The following ZNF385D variants were observed in gnomAD, a reference collection of about 807,000 sequenced individuals.
ZNF385D encodes the protein zinc finger protein 659.
Under a neutral mutation model 35.8 loss-of-function variants are expected in ZNF385D, and 15 were observed. The ratio of observed to expected loss-of-function variants is 0.42; its 90% CI spans 0.28 to 0.64. The LOEUF is 0.64. Ranked by LOEUF, ZNF385D falls within the 30% of genes least tolerant of loss-of-function variation. The pLI, the probability that ZNF385D is intolerant of heterozygous loss-of-function variation, is 0.23. For synonymous variants in ZNF385D, 212 were observed against 186.8 expected (o/e 1.13, Z -1.10); for missense variants, 474 against 494.6 (o/e 0.96, Z 0.39).
intron 1 of ZNF385D, among the ~76,000 whole-genome samples, chr3:21,671,491 A>G (rs961220444): frequency 6.6e-5 from 10 of 152,104 alleles, no homozygotes; most frequent in Non-Finnish European, 1.0e-4. Flanking sequence ...TAATTCCTTT[A>G]AAACACACAA....
chr3:22,056,671 A>C (rs1194893476), intron 3 of ZNF385D, among the ~76,000 whole-genome samples: 2 of 152,250 alleles, frequency 1.3e-5, no homozygotes, highest in African/African-American at 4.8e-5. Flanking sequence ...TTCAGTGTAC[A>C]TCAGCTATTG....
chr3:22,082,796 C>T (rs1700826392), intron 3 of ZNF385D, among the ~76,000 whole-genome samples: 1 of 152,190 alleles, frequency 6.6e-6, no homozygotes, highest in African/African-American at 2.4e-5. Context: ...AGACACCTCC[C>T]AGTAGGGGCC....
intron 3 of ZNF385D, among the ~76,000 whole-genome samples, chr3:21,790,441 T>C (rs1369646249): frequency 6.6e-6 from 1 of 152,140 alleles, no homozygotes; most frequent in Non-Finnish European, 1.5e-5. Flanking sequence ...TTGGGGTGAT[T>C]GCTGTTTCTT....
intron 2 of ZNF385D, among the ~76,000 whole-genome samples, chr3:22,333,796 C>T (rs1023648669): frequency 1.3e-5 from 2 of 152,192 alleles, no homozygotes; most frequent in African/African-American, 4.8e-5. Context: ...TTGGTGCAGA[C>T]ACCCAGCTTT....
chr3:22,034,963 T>C, intron 3 of ZNF385D, among the ~76,000 whole-genome samples: 1 of 152,268 alleles, frequency 6.6e-6, no homozygotes. Flanking sequence ...TTAAAACATA[T>C]CAATAGGAAA....
intron 1 of ZNF385D, among the ~76,000 whole-genome samples, chr3:21,721,912 C>A (rs529733302): frequency 6.6e-6 from 1 of 152,018 alleles, no homozygotes; most frequent in Non-Finnish European, 1.5e-5. Context: ...CCAGCCTGGC[C>A]AAAATGGCGA....
At chr3:21,768,588 T>C (rs946610998) in intron 3 of ZNF385D, among the ~76,000 whole-genome samples, 3 of 152,004 alleles carry the variant, frequency 2.0e-5, no homozygotes, top group African/African-American at 2.4e-5. Context: ...GACAGGCAGC[T>C]GTGCACCTGC....
intron 1 of ZNF385D, among the ~76,000 whole-genome samples, chr3:21,681,865 A>C (rs1211167028): frequency 6.6e-6 from 1 of 151,334 alleles, no homozygotes; most frequent in African/African-American, 2.4e-5. Context: ...CCATTGGCTC[A>C]GGTATTGAAA....
At chr3:22,117,842 T>C (rs1472685687) in intron 3 of ZNF385D, among the ~76,000 whole-genome samples, 1 of 152,066 alleles carries the variant, frequency 6.6e-6, no homozygotes, top group Non-Finnish European at 1.5e-5. Context: ...AATCTTTTTA[T>C]CTAATATAAT....
At chr3:22,080,481 A>C (rs1453945512) in intron 3 of ZNF385D, among the ~76,000 whole-genome samples, 3 of 152,164 alleles carry the variant, frequency 2.0e-5, no homozygotes, top group African/African-American at 7.2e-5. Flanking sequence ...AACTAAAATC[A>C]TATAAATAAA....
At chr3:22,269,398 A>G (rs1000991197) in intron 2 of ZNF385D, among the ~76,000 whole-genome samples, 1 of 151,958 alleles carries the variant, frequency 6.6e-6, no homozygotes, top group Non-Finnish European at 1.5e-5. Context: ...GTGAGCTGCT[A>G]AAATAGGCAC....
intron 3 of ZNF385D, among the ~76,000 whole-genome samples, chr3:22,143,627 T>G (rs183633374): frequency 7.5e-4 from 114 of 152,296 alleles, no homozygotes; most frequent in Non-Finnish European, 1.5e-3. Flanking sequence ...ATTCCTATAT[T>G]GATGGCCTTT....
chr3:22,169,031 G>T, exon 3 of ZNF385D: 1 of 985,668 alleles, frequency 1.0e-6, no homozygotes, highest in African/African-American at 1.7e-5. Flanking sequence ...GTACACAGGT[G>T]AAATCTGAGG....
intron 1 of ZNF385D, among the ~76,000 whole-genome samples, chr3:21,670,661 C>CT (rs2066544894): frequency 1.9e-5 from 1 of 52,086 alleles, no homozygotes; most frequent in African/African-American, 7.7e-5. Context: ...CCCCCCCCCC[C>CT]CCCCCCCCCC....
intron 2 of ZNF385D, among the ~76,000 whole-genome samples, chr3:22,301,234 A>C (rs1702884939): frequency 6.6e-6 from 1 of 152,000 alleles, no homozygotes; most frequent in South Asian, 2.1e-4. Flanking sequence ...AAGAAGTTGG[A>C]CTCACAGAAA....
intron 1 of ZNF385D, among the ~76,000 whole-genome samples, chr3:21,731,119 T>C (rs1328445562): frequency 6.6e-6 from 1 of 152,210 alleles, no homozygotes; most frequent in Non-Finnish European, 1.5e-5. Context: ...GTGCAGAGTT[T>C]GCAAAAATGT....
chr3:21,847,151 G>A (rs1443142523), intron 3 of ZNF385D, among the ~76,000 whole-genome samples: 1 of 152,046 alleles, frequency 6.6e-6, no homozygotes, highest in Non-Finnish European at 1.5e-5. Flanking sequence ...TTTTTCAGCA[G>A]TAGAAACATG....
At chr3:22,044,390 G>T (rs1218768440) in intron 3 of ZNF385D, among the ~76,000 whole-genome samples, 1 of 152,076 alleles carries the variant, frequency 6.6e-6, no homozygotes, top group African/African-American at 2.4e-5. Context: ...GCCTAGATCT[G>T]AGCACCCTTT....
chr3:21,642,936 C>T (rs924630689), intron 2 of ZNF385D, among the ~76,000 whole-genome samples: 6 of 151,550 alleles, frequency 4.0e-5, no homozygotes, highest in East Asian at 1.9e-4. Flanking sequence ...GCCAGGGTCT[C>T]GGGAGAGGGA....
Sources: allele counts gnomAD v4.1 joint callset (sites outside exome capture counted in the v4.1 genomes callset), GRCh38; gene constraint gnomAD v4.1.1; transcripts MANE v1.5; gene names NCBI Gene and HGNC (gene_info 2026-07-23, HGNC 2026-07-21).